The following CACNA1C variants were observed in gnomAD, a reference collection of about 807,000 sequenced individuals.
The protein encoded by CACNA1C is calcium voltage-gated channel subunit alpha1 C.
Under a neutral mutation model 229.0 loss-of-function variants are expected in CACNA1C, and 30 were observed. That is an observed-to-expected ratio of 0.13 (90% CI 0.10 to 0.18). The LOEUF (loss-of-function observed/expected upper bound fraction) is 0.18, where lower values mean the gene tolerates loss of function less well. Ranked by LOEUF, CACNA1C falls within the 10% of genes least tolerant of loss-of-function variation. CACNA1C has a pLI of 1.00. For missense variants in CACNA1C, 1,658 were observed against 2,845.0 expected, an observed-to-expected ratio of 0.58 and a Z score of 9.49; for synonymous variants, 1,114 against 1,132.5, an observed-to-expected ratio of 0.98 and a Z score of 0.33.
Position 2,679,753 on chromosome 12 carries a change from G to A in CACNA1C, c.5401G>A (p.Ala1801Thr). 1 of 1,595,052 alleles carries A rather than the reference G, an allele frequency of 6.3e-7. No homozygotes were observed. The highest frequency in any genetic ancestry group is 8.5e-7 in the Non-Finnish European group (1 of 1,170,204). The change falls in exon 42 of 47, where the codon GCC becomes ACC. Residue 1801 changes from alanine to threonine, a missense_variant. Transcript: ENST00000399655. The surrounding 1 kb of genome is among the most constrained non-coding windows in gnomAD (Gnocchi z 5.5). Reference protein sequence around the residue: ...VEGHGPPLSPAIRVQEVAWKL... With the variant: ...VEGHGPPLSPTIRVQEVAWKL... ...GGGCCACGGGCCCCCCTTGTCCCCT[G>A]CCATCCGGGTGCAGGAGGTGGCGTG...
rs1555825315 is a variant in CACNA1C at position 2,581,645 on chromosome 12, A to G, written c.1951A>G (p.Ile651Val). 1 of 1,599,058 alleles carries G rather than the reference A, an allele frequency of 6.3e-7. No homozygotes were observed. The highest frequency in any genetic ancestry group is 8.5e-7 in the Non-Finnish European group (1 of 1,172,186). ...ATCCTTGCTGAACTCTGTGCGCTCCATCGCCTCCCTGCTCCTTCTCCTCTT... is the reference window on the plus strand; with the variant it reads ...ATCCTTGCTGAACTCTGTGCGCTCCGTCGCCTCCCTGCTCCTTCTCCTCTT... ...VASLLNSVRS[I>V]ASLLLLLFLF... Residue 651 changes from isoleucine to valine, a missense_variant, in exon 14 of 47, where the codon ATC (isoleucine) becomes GTC (valine). This residue lies in a region of CACNA1C where 30 missense variants were observed against 96.6 expected (regional missense o/e 0.31). Transcript: ENST00000399655.
chr12:2,480,214 A>T (rs2099669028), intron 5 of CACNA1C, among the ~76,000 whole-genome samples: 1 of 152,276 alleles, frequency 6.6e-6, no homozygotes, highest in South Asian at 2.1e-4. Context: ...TGACAGACGG[A>T]GAGCCCTGGG....
chr12:2,472,798 G>T (rs568072522), intron 5 of CACNA1C, among the ~76,000 whole-genome samples: 1 of 152,230 alleles, frequency 6.6e-6, no homozygotes, highest in South Asian at 2.1e-4. Context: ...ATATGTTGTT[G>T]TGACTCTGGA....
chr12:2,596,445 AC>A (rs2153366869), intron 20 of CACNA1C, among the ~76,000 whole-genome samples: 2 of 152,328 alleles, frequency 1.3e-5, no homozygotes, highest in African/African-American at 4.8e-5. Context: ...AAATGTGAGG[AC>A]CCACCCAAGG....
At chr12:2,626,337 CTGTT>C (rs1019006272) in intron 29 of CACNA1C, among the ~76,000 whole-genome samples, 2 of 152,182 alleles carry the variant, frequency 1.3e-5, no homozygotes, top group African/African-American at 2.4e-5. Flanking sequence ...AGGGACCTCT[CTGTT>C]TGGGGTTTGG....
At chr12:2,123,136 G>C (rs139777065) in intron 3 of CACNA1C, among the ~76,000 whole-genome samples, 9,280 of 152,252 alleles carry the variant, frequency 0.061, 378 homozygotes, top group Non-Finnish European at 0.091. Context: ...CAGCACTTTG[G>C]GAGGTTGAGG....
At chr12:2,650,726 C>G (rs2094869146) in intron 31 of CACNA1C, among the ~76,000 whole-genome samples, 1 of 152,202 alleles carries the variant, frequency 6.6e-6, no homozygotes, top group Admixed American at 6.5e-5. Flanking sequence ...CCAGGTCCAA[C>G]AGCAGCAGCC....
At chr12:2,609,266 G>C (rs1165185638) in intron 27 of CACNA1C, among the ~76,000 whole-genome samples, 1 of 152,158 alleles carries the variant, frequency 6.6e-6, no homozygotes, top group East Asian at 1.9e-4. Flanking sequence ...GGCTGAGTCA[G>C]GAAGCTGTCG....
At chr12:2,686,575 C>T (rs960774502) in intron 45 of CACNA1C, among the ~76,000 whole-genome samples, 1 of 152,220 alleles carries the variant, frequency 6.6e-6, no homozygotes, top group Non-Finnish European at 1.5e-5. Context: ...GCCACAGATG[C>T]CACTGACGCC....
intron 3 of CACNA1C, among the ~76,000 whole-genome samples, chr12:2,356,556 C>T (rs2097369026): frequency 6.6e-6 from 1 of 152,244 alleles, no homozygotes. Context: ...GGGAGCAGAG[C>T]CTGTCACACC....
At chr12:2,096,460 C>T (rs1198138975) in intron 1 of CACNA1C, among the ~76,000 whole-genome samples, 1 of 152,178 alleles carries the variant, frequency 6.6e-6, no homozygotes, top group Non-Finnish European at 1.5e-5. Flanking sequence ...CAAATGCCTT[C>T]CCCTCTGGTT....
At chr12:2,050,220 G>A (rs2051888916), upstream of CACNA1C, among the ~76,000 whole-genome samples, 1 of 152,166 alleles carries the variant, frequency 6.6e-6, no homozygotes, top group Non-Finnish European at 1.5e-5. Context: ...TCAGAAGAAT[G>A]AGTAAGATAA....
At chr12:2,520,156 C>T (rs577834039) in intron 9 of CACNA1C, among the ~76,000 whole-genome samples, 5 of 143,984 alleles carry the variant, frequency 3.5e-5, no homozygotes, top group African/African-American at 1.0e-4. Context: ...GACCAATGGC[C>T]GTGTGCTTCA....
At chr12:2,686,408 C>T (rs2097493570) in intron 45 of CACNA1C, 139 bp downstream of exon 45, 1 of 772,168 alleles carries the variant, frequency 1.3e-6, no homozygotes, top group Non-Finnish European at 2.3e-6. Context: ...CCCTAAGAGC[C>T]ATCCCTGTAG....
intron 3 of CACNA1C, among the ~76,000 whole-genome samples, chr12:2,158,742 AAAAC>A (rs2095676556): frequency 2.6e-5 from 4 of 152,146 alleles, no homozygotes; most frequent in African/African-American, 9.7e-5. Context: ...GTAAAAATAT[AAAAC>A]AAAAAGAAAA....
At chr12:2,233,306 A>G (rs2066028143) in intron 3 of CACNA1C, among the ~76,000 whole-genome samples, 1 of 152,222 alleles carries the variant, frequency 6.6e-6, no homozygotes, top group Non-Finnish European at 1.5e-5. Flanking sequence ...AATTAAAGTT[A>G]TGAATCAGTG....
intron 3 of CACNA1C, chr12:2,217,781 G>A (rs1240771530): frequency 6.6e-6 from 1 of 152,176 alleles, no homozygotes; most frequent in African/African-American, 2.4e-5. Flanking sequence ...GTTCAAATTT[G>A]CACCTGTCAT....
chr12:2,574,383 C>T lies in CACNA1C; in HGVS notation c.1895+6589C>T, dbSNP rs374040977. On this transcript the variant is annotated intron_variant, in intron 13 of 46. Transcript: ENST00000399655. ...GGGCTCCAGACAGATTCAATCCGGA[C>T]GTGATACCAGTTTACTGATTGCATC... is the stretch of plus-strand genomic sequence containing the variant. Among the ~76,000 whole-genome samples the T allele has an allele frequency of 2.0e-5, 3 of 152,288 alleles. No individual in the cohort carries two copies. In the East Asian group the frequency reaches 5.8e-4, roughly 29 times the overall value.
intron 3 of CACNA1C, among the ~76,000 whole-genome samples, chr12:2,224,209 T>G (rs2062250134): frequency 6.6e-6 from 1 of 152,184 alleles, no homozygotes; most frequent in Non-Finnish European, 1.5e-5. Flanking sequence ...TATCAACAAC[T>G]GGGAGCTGGG....
Sources: gnomAD v4.1 joint callset for allele counts (sites outside exome capture counted in the v4.1 genomes callset) on GRCh38, gnomAD v4.1.1 for gene constraint, gnomAD v4.1.1 regional missense constraint, Gnocchi (gnomAD v3.1) non-coding constraint, MANE v1.5 for transcripts, NCBI Gene and HGNC (gene_info 2026-07-23, HGNC 2026-07-21) for gene names.